The following CYTH3 variants were observed in gnomAD, a reference collection of about 807,000 sequenced individuals.
The protein encoded by CYTH3 is cytohesin-3.
Under a neutral mutation model 55.1 loss-of-function variants are expected in CYTH3, and 23 were observed. The ratio of observed to expected loss-of-function variants is 0.42; its 90% CI spans 0.30 to 0.59. The LOEUF (loss-of-function observed/expected upper bound fraction) is 0.59, where lower values mean the gene tolerates loss of function less well. Ranked by LOEUF, CYTH3 falls within the 20% of genes least tolerant of loss-of-function variation. The pLI is 0.20. For synonymous variants in CYTH3, 249 were observed against 194.9 expected (o/e 1.28, Z -2.31); for missense variants, 413 against 524.8 (o/e 0.79, Z 2.08).
At chr7:6,259,794 TATATATATATA>T (rs1780276629) in intron 1 of CYTH3, among the ~76,000 whole-genome samples, 1 of 18,058 alleles carries the variant, frequency 5.5e-5, no homozygotes, top group Non-Finnish European at 7.9e-5. Flanking sequence ...AATATATATA[TATATATATATA>T]TATATATAAT....
chr7:6,168,907 A>T (rs1562874706), intron 9 of CYTH3, among the ~76,000 whole-genome samples: 1 of 152,148 alleles, frequency 6.6e-6, no homozygotes, highest in Non-Finnish European at 1.5e-5. Context: ...CATCTAATCA[A>T]ACGAACATCC....
chr7:6,190,653 G>A, intron 1 of CYTH3, 122 bp from the exon 2 acceptor site: 1 of 732,460 alleles, frequency 1.4e-6, no homozygotes. Context: ...CTAAAGAAAT[G>A]CTCCCATTGA....
In CYTH3 at chr7:6,170,728, C is replaced by G; in HGVS notation, c.712-82G>C. On this transcript the variant is annotated intron_variant, in intron 8 of 12. Transcript: ENST00000350796. The surrounding 1 kb of genome is among the most constrained non-coding windows in gnomAD (Gnocchi z 7.8). Reference sequence around the variant, plus strand: ...GGCAGAAAGCTCAGCGGGACCAGGGCGGCAAGGAGGCTTGGGAGGCGTGTC... The same window carrying G: ...GGCAGAAAGCTCAGCGGGACCAGGGGGGCAAGGAGGCTTGGGAGGCGTGTC... 6.4e-7 allele frequency: 1 copy of G among 1,566,966 alleles called. No homozygotes were observed. Among genetic ancestry groups the G allele is most frequent in the Non-Finnish European group, 8.7e-7 (1 of 1,153,796 alleles).
chr7:6,165,440 G>C lies in CYTH3; in HGVS notation c.973-13C>G. ...GCTCAAAACAGTTCTGGTGGAGAAA[G>C]AGAGAGGGGAGGCGGTCAGGGGGGC... On this transcript the variant is annotated splice_polypyrimidine_tract_variant and intron_variant, in intron 11 of 12. Transcript: ENST00000350796. 1 of 1,610,800 alleles carries C rather than the reference G, an allele frequency of 6.2e-7. No homozygotes were observed. Among genetic ancestry groups the C allele is most frequent in the East Asian group, 2.2e-5 (1 of 44,816 alleles).
chr7:6,216,911 A>G (rs1202845901), intron 1 of CYTH3, among the ~76,000 whole-genome samples: 6 of 151,352 alleles, frequency 4.0e-5, no homozygotes, highest in Admixed American at 3.3e-4. Flanking sequence ...TATAATCGAT[A>G]ATGACTTTTT....
intron 1 of CYTH3, among the ~76,000 whole-genome samples, chr7:6,259,799 A>ATATATAT (rs1780282471): frequency 4.0e-5 from 1 of 24,978 alleles, no homozygotes; most frequent in African/African-American, 5.4e-4. Context: ...ATATATATAT[A>ATATATAT]TATATATATA....
At position 6,170,705 on chromosome 7, in the gene CYTH3, C is replaced by A; in HGVS notation, c.712-59G>T. ...ACTCGGAGGAAAATGGCTGGCCGGG[C>A]AGAAAGCTCAGCGGGACCAGGGCGG... On this transcript the variant is annotated intron_variant, in intron 8 of 12. Coordinates refer to ENST00000350796, the MANE Select transcript of CYTH3 (RefSeq NM_004227.4). This position sits in a 1 kb window ranked among gnomAD's most constrained non-coding sequence, Gnocchi z 7.8. 6.3e-7 allele frequency: 1 copy of A among 1,582,002 alleles called. No individual in the cohort carries two copies. The highest frequency in any genetic ancestry group is 8.6e-7 in the Non-Finnish European group (1 of 1,162,392).
chr7:6,220,015 T>A (rs929331065), intron 1 of CYTH3, among the ~76,000 whole-genome samples: 7 of 152,044 alleles, frequency 4.6e-5, no homozygotes, highest in African/African-American at 1.7e-4. Context: ...CAGAGCCAAG[T>A]GACTGGGACT....
intron 1 of CYTH3, among the ~76,000 whole-genome samples, chr7:6,242,061 C>G (rs1205349547): frequency 6.6e-6 from 1 of 151,978 alleles, no homozygotes; most frequent in Non-Finnish European, 1.5e-5. Context: ...AGGAAGGGAA[C>G]AGGGCAGAGG....
At chr7:6,213,363 G>A (rs1583167772) in intron 1 of CYTH3, among the ~76,000 whole-genome samples, 1 of 152,298 alleles carries the variant, frequency 6.6e-6, no homozygotes, top group East Asian at 1.9e-4. Flanking sequence ...ATAGAAAAGA[G>A]TTTGGGGAAA....
intron 1 of CYTH3, among the ~76,000 whole-genome samples, chr7:6,254,091 A>T (rs1331228902): frequency 6.6e-6 from 1 of 152,158 alleles, no homozygotes; most frequent in East Asian, 1.9e-4. Flanking sequence ...GTGAGGCAGG[A>T]GAATCACGTG....
rs1174698187 is a variant in CYTH3 at position 6,198,716 on chromosome 7, C to T, written c.35-8185G>A. 6.0e-5 allele frequency among the ~76,000 whole-genome samples: 9 copies of T among 150,570 alleles called. No individual in the cohort carries two copies. The East Asian group carries it at 1.8e-3, about 29-fold the overall frequency. ...TAATATATGGATATGGTTACACATA[C>T]ACAAACATATAAAAAGGCATACAAT... On this transcript the variant is annotated intron_variant, in intron 1 of 12. Transcript: ENST00000350796.
intron 1 of CYTH3, among the ~76,000 whole-genome samples, chr7:6,250,679 A>G (rs1401540067): frequency 6.6e-6 from 1 of 152,244 alleles, no homozygotes; most frequent in Non-Finnish European, 1.5e-5. Context: ...CAGGGGTTGC[A>G]GAGGAGGGGA....
rs779851521 is a variant in CYTH3 at position 6,227,612 on chromosome 7, G to C, written c.35-37081C>G. 4.6e-5 allele frequency among the ~76,000 whole-genome samples: 7 copies of C among 152,302 alleles called. No individual in the cohort carries two copies. In the South Asian group the frequency reaches 8.3e-4, roughly 18 times the overall value. ...ATCAGGGCCCTTACTCTACACAAAAGGCTTTAGGCAGCTTTGCCAAGGCTG... is the reference window on the plus strand; with the variant it reads ...ATCAGGGCCCTTACTCTACACAAAACGCTTTAGGCAGCTTTGCCAAGGCTG... On this transcript the variant is annotated intron_variant, in intron 1 of 12. Transcript: ENST00000350796.
chr7:6,168,642 T>C (rs1783082198), intron 9 of CYTH3, among the ~76,000 whole-genome samples: 1 of 152,208 alleles, frequency 6.6e-6, no homozygotes, highest in African/African-American at 2.4e-5. Flanking sequence ...GCCCCTGCGC[T>C]TGGCACCCGG....
intron 1 of CYTH3, among the ~76,000 whole-genome samples, chr7:6,259,102 C>T (rs180760367): frequency 1.2e-4 from 18 of 152,214 alleles, no homozygotes; most frequent in South Asian, 1.0e-3. Flanking sequence ...CCAAAATAAA[C>T]GGAGAATATT....
At chr7:6,257,433 T>A (rs1005238533) in intron 1 of CYTH3, among the ~76,000 whole-genome samples, 2 of 152,274 alleles carry the variant, frequency 1.3e-5, no homozygotes, top group Admixed American at 6.5e-5. Context: ...GGAAGTCCTG[T>A]CTTCTAACAG....
Position 6,170,748 on chromosome 7 carries a change from C to A in CYTH3, c.711+82G>T. On this transcript the variant is annotated intron_variant, in intron 8 of 12. Coordinates refer to ENST00000350796, the MANE Select transcript of CYTH3 (RefSeq NM_004227.4). This position sits in a 1 kb window ranked among gnomAD's most constrained non-coding sequence, Gnocchi z 7.8. ...CAGGGCGGCAAGGAGGCTTGGGAGG[C>A]GTGTCTAGAGCCGCGGGCGCTGCGG... 1 of 1,566,706 alleles carries A rather than the reference C, an allele frequency of 6.4e-7. No homozygotes were observed. Among genetic ancestry groups the A allele is most frequent in the Non-Finnish European group, 8.7e-7 (1 of 1,154,548 alleles).
chr7:6,200,612 C>T (rs1242103068), intron 1 of CYTH3, among the ~76,000 whole-genome samples: 3 of 152,070 alleles, frequency 2.0e-5, no homozygotes, highest in Non-Finnish European at 2.9e-5. Flanking sequence ...AGAGACTGGC[C>T]GATTCTGCAG....
Sources: allele counts gnomAD v4.1 joint callset (sites outside exome capture counted in the v4.1 genomes callset), GRCh38; gene constraint gnomAD v4.1.1; non-coding constraint Gnocchi (gnomAD v3.1); transcripts MANE v1.5; gene names NCBI Gene and HGNC (gene_info 2026-07-23, HGNC 2026-07-21).